PDZRN4: variants seen among roughly 807,000 people sequenced by gnomAD.
PDZRN4 encodes the protein PDZ domain-containing RING finger protein 4.
Under a neutral mutation model 99.0 loss-of-function variants are expected in PDZRN4, and 70 were observed. The ratio of observed to expected loss-of-function variants is 0.71; its 90% CI spans 0.58 to 0.86. The LOEUF (loss-of-function observed/expected upper bound fraction) is 0.86. PDZRN4 is among the 40% of genes least tolerant of loss of function. The pLI is 0.00. For missense variants in PDZRN4, 1,474 were observed against 1,331.2 expected, an observed-to-expected ratio of 1.11 and a Z score of -1.67; for synonymous variants, 551 against 501.6, an observed-to-expected ratio of 1.10 and a Z score of -1.32.
intron 3 of PDZRN4, among the ~76,000 whole-genome samples, chr12:41,478,725 G>T (rs1937628340): frequency 6.6e-6 from 1 of 152,038 alleles, no homozygotes; most frequent in Admixed American, 6.6e-5. Context: ...ATCCTAAGAT[G>T]TTTTATAATC....
chr12:41,390,639 TCTAATTGGG>T (rs1032899779), intron 3 of PDZRN4, among the ~76,000 whole-genome samples: 4 of 151,656 alleles, frequency 2.6e-5, no homozygotes, highest in Non-Finnish European at 5.9e-5. Context: ...TACATGTCCT[TCTAATTGGG>T]CTAAATAACA....
chr12:41,563,493 T>C (rs555119146), intron 7 of PDZRN4, 55 bp from the exon 8 acceptor site: 1 of 1,226,300 alleles, frequency 8.2e-7, no homozygotes, highest in Non-Finnish European at 1.2e-6. Context: ...TGCCATTTAT[T>C]GTGTGCAGCA....
At chr12:41,484,911 C>G (rs562483491) in intron 3 of PDZRN4, among the ~76,000 whole-genome samples, 2 of 152,108 alleles carry the variant, frequency 1.3e-5, no homozygotes, top group Non-Finnish European at 2.9e-5. Context: ...TGACTTGCGT[C>G]TTTTAGATTG....
rs188564814 is a variant in PDZRN4 at position 41,404,200 on chromosome 12, C to T, written c.844-102256C>T. On this transcript the variant is annotated intron_variant, in intron 3 of 9. Transcript: ENST00000402685. ...TATTTTTTCAAATATTTTCGATCTGCGGTTGGTTGAATCCACAGATGCAAA... is the reference window on the plus strand; with the variant it reads ...TATTTTTTCAAATATTTTCGATCTGTGGTTGGTTGAATCCACAGATGCAAA... 2.0e-3 allele frequency among the ~76,000 whole-genome samples: 305 copies of T among 151,918 alleles called. 3 individuals are homozygous for T. Among genetic ancestry groups the T allele is most frequent in the African/African-American group, 6.4e-3 (264 of 41,438 alleles).
chr12:41,502,809 A>G (rs1274892314), intron 3 of PDZRN4, among the ~76,000 whole-genome samples: 1 of 152,142 alleles, frequency 6.6e-6, no homozygotes, highest in East Asian at 1.9e-4. Flanking sequence ...GGGACAGAAT[A>G]TAGTGGTAAA....
intron 4 of PDZRN4, among the ~76,000 whole-genome samples, chr12:41,507,331 G>A (rs1026009162): frequency 1.3e-5 from 2 of 152,148 alleles, no homozygotes; most frequent in African/African-American, 4.8e-5. Flanking sequence ...AAGGAAGTCA[G>A]AGAGATTTTA....
chr12:41,561,389 C>A (rs1939266565), intron 7 of PDZRN4, among the ~76,000 whole-genome samples: 1 of 151,632 alleles, frequency 6.6e-6, no homozygotes, highest in African/African-American at 2.4e-5. Context: ...ATGTACCAGG[C>A]ACTATTTAAG....
intron 3 of PDZRN4, among the ~76,000 whole-genome samples, chr12:41,363,865 T>A (rs1218491717): frequency 6.6e-6 from 1 of 152,080 alleles, no homozygotes; most frequent in Non-Finnish European, 1.5e-5. Flanking sequence ...GCTTTCCACA[T>A]TGAGAAAGTG....
At chr12:41,334,122 A>G (rs1267919029) in intron 3 of PDZRN4, among the ~76,000 whole-genome samples, 3 of 151,850 alleles carry the variant, frequency 2.0e-5, no homozygotes, top group Non-Finnish European at 4.4e-5. Context: ...TCTCTGCAAG[A>G]CTCCAGTAAA....
chr12:41,434,112 G>T (rs958267888), intron 3 of PDZRN4, among the ~76,000 whole-genome samples: 28 of 152,110 alleles, frequency 1.8e-4, no homozygotes, highest in African/African-American at 6.3e-4. Context: ...ATAGAGTAAT[G>T]ACCTTTTATT....
chr12:41,337,695 C>G (rs1527090), intron 3 of PDZRN4, among the ~76,000 whole-genome samples: 73,390 of 151,836 alleles, frequency 0.48, 18,323 homozygotes, highest in Middle Eastern at 0.65. Context: ...TTCCTTTATT[C>G]TCACGAAAAC....
At chr12:41,568,191 A>G (rs547567245) in intron 9 of PDZRN4, among the ~76,000 whole-genome samples, 54 of 152,326 alleles carry the variant, frequency 3.5e-4, no homozygotes, top group Admixed American at 9.1e-4. Flanking sequence ...ATTTAAGAGT[A>G]AAAAATGTGT....
Position 41,490,864 on chromosome 12 carries a change from T to C in PDZRN4, c.844-15592T>C, listed in dbSNP as rs1937872517. ...TCCCATCTTCTAACTACTGGTGCAA[T>C]CTCACCCTTCAAAGTCCATCTTCTC... is the stretch of plus-strand genomic sequence containing the variant. On this transcript the variant is annotated intron_variant, in intron 3 of 9. Transcript: ENST00000402685. 1.3e-5 allele frequency among the ~76,000 whole-genome samples: 2 copies of C among 152,100 alleles called. 1 individual carries two copies. The highest frequency in any genetic ancestry group is 4.1e-4 in the South Asian group (2 of 4,828).
chr12:41,550,291 A>G lies in PDZRN4; in HGVS notation c.1204-2365A>G, dbSNP rs1939030250. ...AAGTCGGTGGATTTCAGCTTTGGCT[A>G]CAGCTCCTCATTTGTATTGATTTAA... is the stretch of plus-strand genomic sequence containing the variant. On this transcript the variant is annotated intron_variant, in intron 5 of 9. Coordinates refer to ENST00000402685, the MANE Select transcript of PDZRN4 (RefSeq NM_001164595.2). 3.3e-5 allele frequency among the ~76,000 whole-genome samples: 5 copies of G among 152,154 alleles called. No individual in the cohort carries two copies. The South Asian group carries it at 8.3e-4, about 25-fold the overall frequency.
chr12:41,210,198 GT>G (rs375561082), intron 3 of PDZRN4, among the ~76,000 whole-genome samples: 100,902 of 151,478 alleles, frequency 0.67, 33,746 homozygotes, highest in South Asian at 0.73. Context: ...GGGGTTGTTT[GT>G]TTTTTTCTTG....
chr12:41,437,904 G>A lies in PDZRN4; in HGVS notation c.844-68552G>A, dbSNP rs372642296. 373 of 1,613,746 alleles carry A rather than the reference G, an allele frequency of 2.3e-4. 1 individual carries two copies. The highest frequency in any genetic ancestry group is 2.7e-4 in the Non-Finnish European group (324 of 1,179,766). The stretch of plus-strand genomic sequence containing the variant: ...TTCAGTTCACTTGCCTTTCAGTTCT[G>A]GGGAAATTAGAAGATTTGCTCTCTC... On this transcript the variant is annotated intron_variant, in intron 3 of 9. Coordinates refer to ENST00000402685, the MANE Select transcript of PDZRN4 (RefSeq NM_001164595.2).
At chr12:41,303,520 T>G (rs902803854) in intron 3 of PDZRN4, among the ~76,000 whole-genome samples, 5 of 152,214 alleles carry the variant, frequency 3.3e-5, no homozygotes. Flanking sequence ...AGAACTCGCC[T>G]CTTTCCTCTG....
chr12:41,239,651 C>T (rs1041558031), intron 3 of PDZRN4, among the ~76,000 whole-genome samples: 1 of 152,078 alleles, frequency 6.6e-6, no homozygotes, highest in Non-Finnish European at 1.5e-5. Flanking sequence ...AGAAAGGTGA[C>T]AAAAGACACA....
At chr12:41,319,332 G>T (rs952224718) in intron 3 of PDZRN4, among the ~76,000 whole-genome samples, 1 of 152,118 alleles carries the variant, frequency 6.6e-6, no homozygotes, top group Non-Finnish European at 1.5e-5. Context: ...TACTGAAGCT[G>T]TGGGTGGACT....
Sources: allele counts gnomAD v4.1 joint callset (sites outside exome capture counted in the v4.1 genomes callset), GRCh38; gene constraint gnomAD v4.1.1; transcripts MANE v1.5; gene names NCBI Gene and HGNC (gene_info 2026-07-23, HGNC 2026-07-21).